Variants in ACSS3 observed in about 807,000 individuals in gnomAD.
ACSS3 encodes the protein acyl-CoA synthetase short chain family member 3, also known as acyl-CoA synthetase short-chain family member 3, mitochondrial.
Under a neutral mutation model 84.2 loss-of-function variants are expected in ACSS3, and 64 were observed. The observed-to-expected ratio is 0.76, with a 90% CI of 0.62 to 0.94. ACSS3 has a LOEUF of 0.94. Ranked by LOEUF, ACSS3 falls within the 40% of genes least tolerant of loss-of-function variation. ACSS3 has a pLI of 0.00. For synonymous variants in ACSS3, 317 were observed against 310.1 expected (o/e 1.02, Z -0.23); for missense variants, 815 against 867.6 (o/e 0.94, Z 0.76).
chr12:81,087,959 A>G (rs907150526), intron 1 of ACSS3, among the ~76,000 whole-genome samples: 2 of 152,148 alleles, frequency 1.3e-5, no homozygotes, highest in Non-Finnish European at 2.9e-5. Flanking sequence ...ATACGGAAGA[A>G]TTATAAAATG....
At chr12:81,161,264 G>GGATGTGTTGCATACAA (rs1803645025) in intron 7 of ACSS3, among the ~76,000 whole-genome samples, 1 of 151,956 alleles carries the variant, frequency 6.6e-6, no homozygotes, top group South Asian at 2.1e-4. Context: ...TCAGCATACA[G>GGATGTGTTGCATACAA]GGATGTGTTG....
chr12:81,204,265 TTTCTATTCTTCCTTCC>T (rs2032241044), intron 9 of ACSS3, among the ~76,000 whole-genome samples: 1 of 151,292 alleles, frequency 6.6e-6, no homozygotes, highest in South Asian at 2.1e-4. Flanking sequence ...GATCTACTTT[TTTCTATTCTTCCTTCC>T]TCCTCTTCTT....
chr12:81,089,691 C>T (rs904632146), intron 1 of ACSS3, among the ~76,000 whole-genome samples: 2 of 151,814 alleles, frequency 1.3e-5, no homozygotes, highest in African/African-American at 4.8e-5. Flanking sequence ...GTATTATCGT[C>T]AATAATGATA....
chr12:81,210,659 G>A (rs1252593354), intron 9 of ACSS3, among the ~76,000 whole-genome samples: 1 of 152,116 alleles, frequency 6.6e-6, no homozygotes, highest in Non-Finnish European at 1.5e-5. Flanking sequence ...CTTCTGAGCT[G>A]CAGTCAGAGA....
intron 9 of ACSS3, among the ~76,000 whole-genome samples, chr12:81,214,375 C>T (rs541947839): frequency 6.6e-6 from 1 of 152,186 alleles, no homozygotes; most frequent in East Asian, 1.9e-4. Flanking sequence ...AAAATAAAGT[C>T]AACAAGACAC....
chr12:81,131,319 G>T (rs975606982), intron 2 of ACSS3, among the ~76,000 whole-genome samples: 1 of 152,126 alleles, frequency 6.6e-6, no homozygotes, highest in Non-Finnish European at 1.5e-5. Context: ...GTGGTTTGTA[G>T]TTCTCCTTGA....
At chr12:81,166,238 T>A (rs951232147) in intron 7 of ACSS3, among the ~76,000 whole-genome samples, 15 of 152,106 alleles carry the variant, frequency 9.9e-5, no homozygotes, top group African/African-American at 3.6e-4. Context: ...GGGTGTCAGG[T>A]GGCTATTGTA....
Position 81,254,840 on chromosome 12 carries a change from C to T in ACSS3, c.1996-17C>T, listed in dbSNP as rs772699960. 6.3e-7 allele frequency: 1 copy of T among 1,594,884 alleles called. No homozygotes were observed. Among genetic ancestry groups the T allele is most frequent in the South Asian group, 1.1e-5 (1 of 87,534 alleles). On this transcript the variant is annotated splice_polypyrimidine_tract_variant and intron_variant, in intron 15 of 15. Coordinates refer to ENST00000548058, the MANE Select transcript of ACSS3 (RefSeq NM_024560.4). ...ATTCAAGGAAGAGTATTCACCTGACCCTAATTTTTTTTCCAGATAACTTCT... is the reference window on the plus strand; with the variant it reads ...ATTCAAGGAAGAGTATTCACCTGACTCTAATTTTTTTTCCAGATAACTTCT...
chr12:81,172,872 C>G (rs2030184263), intron 7 of ACSS3, among the ~76,000 whole-genome samples: 1 of 152,164 alleles, frequency 6.6e-6, no homozygotes, highest in Non-Finnish European at 1.5e-5. Flanking sequence ...GACACTGGCA[C>G]TGTCGTAGAA....
intron 2 of ACSS3, among the ~76,000 whole-genome samples, chr12:81,126,552 A>AT (rs1885110394): frequency 6.7e-6 from 1 of 150,190 alleles, no homozygotes; most frequent in African/African-American, 2.4e-5. Flanking sequence ...AATTCTGATG[A>AT]TTTTCTTGTA....
chr12:81,221,740 G>A (rs978003222), intron 11 of ACSS3, among the ~76,000 whole-genome samples: 24 of 152,222 alleles, frequency 1.6e-4, no homozygotes, highest in African/African-American at 5.5e-4. Context: ...AAGCAGCAGG[G>A]GAAGAAGGGA....
At chr12:81,120,674 C>A (rs997396129) in intron 2 of ACSS3, among the ~76,000 whole-genome samples, 1 of 151,946 alleles carries the variant, frequency 6.6e-6, no homozygotes, top group Non-Finnish European at 1.5e-5. Context: ...TATTTTAATT[C>A]ATTTGGAAGT....
intron 13 of ACSS3, among the ~76,000 whole-genome samples, chr12:81,245,146 C>A (rs1214965627): frequency 1.3e-5 from 2 of 152,084 alleles, no homozygotes; most frequent in Non-Finnish European, 2.9e-5. Context: ...TTCATCAGTT[C>A]TTTGTAGATT....
chr12:81,123,304 C>A (rs193201776), intron 2 of ACSS3, among the ~76,000 whole-genome samples: 1 of 151,974 alleles, frequency 6.6e-6, no homozygotes, highest in African/African-American at 2.4e-5. Flanking sequence ...GAAGATCCTA[C>A]GGTTTTGCTT....
intron 5 of ACSS3, among the ~76,000 whole-genome samples, chr12:81,145,687 A>G (rs1886306898): frequency 6.6e-6 from 1 of 152,190 alleles, no homozygotes; most frequent in African/African-American, 2.4e-5. Flanking sequence ...TTGAATATTC[A>G]CTGAAATAGA....
In ACSS3 at chr12:81,220,052, G is replaced by A. The variant is rs752461783; in HGVS notation, c.1490G>A (p.Arg497Gln). 41 of 1,535,574 alleles carry A rather than the reference G, an allele frequency of 2.7e-5. No homozygotes were observed. In the East Asian group the frequency reaches 6.2e-4, roughly 23 times the overall value. ...GACAACATGCAAAAACTGAAGGCTC[G>A]GTGTTTAGGAAATATTGTGGTAAAG... ...LDDNMQKLKA[R>Q]CLGNIVVKLP... is the part of the protein sequence containing the mutation. Residue 497 changes from arginine (R) to glutamine (Q), a missense_variant, in exon 11 of 16, where the codon CGG (arginine) becomes CAG (glutamine). By Grantham distance (43) the Arg-to-Gln change is conservative. Coordinates refer to ENST00000548058, the MANE Select transcript of ACSS3 (RefSeq NM_024560.4).
At chr12:81,199,527 G>A (rs2032004657) in intron 9 of ACSS3, 83 bp downstream of exon 9, 7 of 1,487,238 alleles carry the variant, frequency 4.7e-6, no homozygotes, top group East Asian at 2.4e-5. Flanking sequence ...TTTGAGCTAC[G>A]ACCAGCAGAT....
At chr12:81,183,436 A>G (rs1010568618) in intron 8 of ACSS3, among the ~76,000 whole-genome samples, 2 of 152,160 alleles carry the variant, frequency 1.3e-5, no homozygotes, top group Admixed American at 1.3e-4. Flanking sequence ...TAGAAGATAA[A>G]TAAAATGGCA....
rs1214513134 is a variant in ACSS3 at position 81,113,978 on chromosome 12, T to TTA, written c.456+4283_456+4284dup. On this transcript the variant is annotated intron_variant, in intron 2 of 15. Coordinates refer to ENST00000548058, the MANE Select transcript of ACSS3 (RefSeq NM_024560.4). Reference sequence around the variant, plus strand: ...AGTGTATTTTATGTGTATGTATATCTTATATATATAGTACTAGTCATTTTA... The same window carrying TTA: ...AGTGTATTTTATGTGTATGTATATCTTATATATATATAGTACTAGTCATTTTA... 2.6e-5 allele frequency among the ~76,000 whole-genome samples: 4 copies of TTA among 152,200 alleles called. No individual in the cohort carries two copies. In the East Asian group the frequency reaches 7.7e-4, roughly 29 times the overall value.
Sources: allele counts gnomAD v4.1 joint callset (sites outside exome capture counted in the v4.1 genomes callset), GRCh38; gene constraint gnomAD v4.1.1; transcripts MANE v1.5; gene names NCBI Gene and HGNC (gene_info 2026-07-23, HGNC 2026-07-21).